CTIF: variants seen among roughly 807,000 people sequenced by gnomAD.
The protein encoded by CTIF is cap binding complex dependent translation initiation factor, also known as CBP80/20-dependent translation initiation factor.
CTIF carries 21 observed loss-of-function variants against 66.0 expected under a neutral mutation model. The ratio of observed to expected loss-of-function variants is 0.32; its 90% CI spans 0.23 to 0.46. CTIF has a LOEUF of 0.46. CTIF is among the 20% of genes least tolerant of loss of function. The pLI, the probability that CTIF is intolerant of heterozygous loss-of-function variation, is 1.00. For missense variants in CTIF, 739 were observed against 812.7 expected (o/e 0.91, Z 1.10); for synonymous variants, 345 against 326.4 (o/e 1.06, Z -0.62).
chr18:48,668,284 C>T (rs1034240370), intron 5 of CTIF, among the ~76,000 whole-genome samples: 3 of 152,202 alleles, frequency 2.0e-5, no homozygotes, highest in Admixed American at 6.5e-5. Flanking sequence ...GTGTTTTACC[C>T]ACAGGAGACA....
intron 1 of CTIF, among the ~76,000 whole-genome samples, chr18:48,589,496 A>G (rs2089843310): frequency 6.6e-6 from 1 of 152,132 alleles, no homozygotes; most frequent in Non-Finnish European, 1.5e-5. Flanking sequence ...ATCTATAAAG[A>G]CCCTATTTCC....
At chr18:48,596,067 C>G (rs1053303292) in intron 1 of CTIF, among the ~76,000 whole-genome samples, 2 of 152,182 alleles carry the variant, frequency 1.3e-5, no homozygotes, top group Non-Finnish European at 2.9e-5. Context: ...AGAAGCAAGT[C>G]ACCAGGTTCA....
intron 11 of CTIF, among the ~76,000 whole-genome samples, chr18:48,858,438 C>T (rs2069379277): frequency 6.6e-6 from 1 of 150,500 alleles, no homozygotes; most frequent in South Asian, 2.1e-4. Flanking sequence ...TCCTTGCCCT[C>T]AGGCAGCTTC....
intron 10 of CTIF, 77 bp from the exon 11 acceptor site, chr18:48,857,494 TGGGGCTGCAGGTCGGCG>T (rs1003518746): frequency 1.4e-5 from 15 of 1,109,644 alleles, no homozygotes; most frequent in Admixed American, 4.5e-5. Context: ...GCATCAGGGC[TGGGGCTGCAGGTCGGCG>T]GGGGCTGCAG....
At chr18:48,589,700 G>C (rs1249566508) in intron 1 of CTIF, among the ~76,000 whole-genome samples, 1 of 152,154 alleles carries the variant, frequency 6.6e-6, no homozygotes, top group Admixed American at 6.5e-5. Flanking sequence ...AAAGTTCTCA[G>C]CATTGTATTT....
At chr18:48,645,688 C>CT (rs1201499769) in intron 3 of CTIF, among the ~76,000 whole-genome samples, 1 of 152,224 alleles carries the variant, frequency 6.6e-6, no homozygotes, top group Non-Finnish European at 1.5e-5. Context: ...CTCCTTCCTG[C>CT]TGGGGTGGTG....
chr18:48,785,455 C>G (rs1911622355), intron 9 of CTIF, among the ~76,000 whole-genome samples: 1 of 152,238 alleles, frequency 6.6e-6, no homozygotes, highest in Non-Finnish European at 1.5e-5. Context: ...GGCTGGGGAG[C>G]ATTTCCACCC....
chr18:48,677,486 G>A (rs1287745546), intron 6 of CTIF, among the ~76,000 whole-genome samples: 1 of 152,224 alleles, frequency 6.6e-6, no homozygotes, highest in Non-Finnish European at 1.5e-5. Context: ...AGTAACACTA[G>A]CGAACATTCA....
intron 5 of CTIF, among the ~76,000 whole-genome samples, chr18:48,669,839 A>ATATATATG (rs2091499201): frequency 8.1e-6 from 1 of 122,884 alleles, no homozygotes; most frequent in East Asian, 2.5e-4. Context: ...ATATATATAT[A>ATATATATG]TAAGCTAGAC....
intron 7 of CTIF, among the ~76,000 whole-genome samples, chr18:48,742,161 A>C (rs1008680399): frequency 6.6e-6 from 1 of 152,236 alleles, no homozygotes; most frequent in Admixed American, 6.5e-5. Flanking sequence ...GGCTTTTCTC[A>C]TGGGCCAGGG....
intron 6 of CTIF, among the ~76,000 whole-genome samples, chr18:48,699,478 CA>C (rs1191938858): frequency 1.3e-5 from 2 of 151,868 alleles, no homozygotes; most frequent in African/African-American, 4.9e-5. Context: ...GCTGAGGTTG[CA>C]GGGACTGCTT....
At chr18:48,589,888 T>C (rs147014397) in intron 1 of CTIF, among the ~76,000 whole-genome samples, 5 of 152,372 alleles carry the variant, frequency 3.3e-5, no homozygotes, top group African/African-American at 1.2e-4. Context: ...CTTTCACTTT[T>C]TGTCATTTTC....
intron 10 of CTIF, among the ~76,000 whole-genome samples, chr18:48,849,266 C>T (rs1453178613): frequency 2.2e-5 from 3 of 139,390 alleles, no homozygotes; most frequent in South Asian, 2.3e-4. Flanking sequence ...CGTGAGATCT[C>T]GGCTCACTGC....
At chr18:48,724,386 A>C (rs1238241237) in intron 7 of CTIF, among the ~76,000 whole-genome samples, 1 of 151,260 alleles carries the variant, frequency 6.6e-6, no homozygotes, top group Non-Finnish European at 1.5e-5. Context: ...CCTCCCACCC[A>C]CTGTCTTCAC....
At chr18:48,816,823 C>T (rs2068373355) in intron 9 of CTIF, among the ~76,000 whole-genome samples, 1 of 152,206 alleles carries the variant, frequency 6.6e-6, no homozygotes, top group South Asian at 2.1e-4. Context: ...ACGCAGAGGG[C>T]ATGACTTGGG....
chr18:48,587,549 G>T (rs993216626), intron 1 of CTIF, among the ~76,000 whole-genome samples: 1 of 152,198 alleles, frequency 6.6e-6, no homozygotes, highest in Non-Finnish European at 1.5e-5. Context: ...AGAGGCCTGG[G>T]AGGGAGTTCA....
intron 7 of CTIF, among the ~76,000 whole-genome samples, chr18:48,729,254 A>G (rs2092415120): frequency 6.6e-6 from 1 of 152,096 alleles, no homozygotes; most frequent in African/African-American, 2.4e-5. Flanking sequence ...ACTTTCCAAG[A>G]TACACACCCA....
intron 6 of CTIF, among the ~76,000 whole-genome samples, chr18:48,686,743 C>T (rs1313032335): frequency 6.6e-6 from 1 of 152,176 alleles, no homozygotes; most frequent in Non-Finnish European, 1.5e-5. Flanking sequence ...CCTGCCAACA[C>T]CTGAGCCTTG....
At chr18:48,827,635 C>T (rs2068608894) in intron 10 of CTIF, among the ~76,000 whole-genome samples, 1 of 152,022 alleles carries the variant, frequency 6.6e-6, no homozygotes, top group Non-Finnish European at 1.5e-5. Context: ...TAATCTTAGG[C>T]ACAGACCCCG....
Sources: gnomAD v4.1 joint callset for allele counts (sites outside exome capture counted in the v4.1 genomes callset) on GRCh38, gnomAD v4.1.1 for gene constraint, MANE v1.5 for transcripts, NCBI Gene and HGNC (gene_info 2026-07-23, HGNC 2026-07-21) for gene names.